TET3: variants seen among roughly 807,000 people sequenced by gnomAD.
The protein encoded by TET3 is tet methylcytosine dioxygenase 3, also known as methylcytosine dioxygenase TET3.
In TET3, 19 loss-of-function variants were observed where a neutral mutation model predicts 141.4. That is an observed-to-expected ratio of 0.13 (90% confidence interval 0.09 to 0.20). The LOEUF (loss-of-function observed/expected upper bound fraction) is 0.20. TET3 is among the 10% of genes least tolerant of loss of function. The pLI is 1.00. For synonymous variants in TET3, 1,043 were observed against 980.9 expected (o/e 1.06, Z -1.18); for missense variants, 1,874 against 2,356.9 (o/e 0.80, Z 4.24).
intron 5 of TET3, among the ~76,000 whole-genome samples, chr2:74,075,016 G>A (rs548127025): frequency 2.6e-5 from 4 of 152,090 alleles, no homozygotes; most frequent in South Asian, 4.1e-4. Context: ...GACTACAGGC[G>A]CCTGCCACCA....
intron 2 of TET3, among the ~76,000 whole-genome samples, chr2:74,002,270 G>A (rs1182112267): frequency 6.6e-6 from 1 of 152,178 alleles, no homozygotes; most frequent in African/African-American, 2.4e-5. Flanking sequence ...AGGATGAAGG[G>A]GCTATTGCAC....
chr2:73,998,359 A>G (rs889922291), intron 2 of TET3: 2 of 152,284 alleles, frequency 1.3e-5, no homozygotes, highest in African/African-American at 4.8e-5. Context: ...CTCAAAGGGC[A>G]TGTAGGGTAT....
chr2:74,124,032 C>T, the TET3 span, among the ~76,000 whole-genome samples: 10 of 151,204 alleles, frequency 6.6e-5, no homozygotes, highest in South Asian at 4.2e-4. Context: ...GCAGCCACCC[C>T]GTCTGGGAAG....
chr2:74,058,757 C>CCCT (rs1222647462), intron 4 of TET3, among the ~76,000 whole-genome samples: 4 of 152,180 alleles, frequency 2.6e-5, no homozygotes, highest in African/African-American at 9.6e-5. Flanking sequence ...CGAAGTCCAC[C>CCCT]CCTCCAGGCA....
chr2:74,011,628 G>T (rs72905259), intron 3 of TET3, among the ~76,000 whole-genome samples: 3,456 of 152,178 alleles, frequency 0.023, 140 homozygotes, highest in African/African-American at 0.08. Context: ...TTTCTACCTG[G>T]GCCTTAGGTG....
rs1331681875 is a variant in TET3, at chr2:74,099,669, C to T, written c.3604+57C>T. The T allele has an allele frequency of 2.5e-5, 37 of 1,455,870 alleles. No homozygotes were observed. The East Asian group carries it at 8.7e-4, about 34-fold the overall frequency. 90.2% of individuals were successfully genotyped at this position (1,455,870 alleles called of 1,614,324 possible). ...ACAATGGCACTGTCCTCATGGGGGC[C>T]CCTGCTCTTCCACGCACCCTCCTGC... On this transcript the variant is annotated intron_variant, in intron 11 of 11. Coordinates refer to ENST00000409262, the MANE Select transcript of TET3 (RefSeq NM_001287491.2).
At chr2:74,131,498 C>T in the TET3 span, among the ~76,000 whole-genome samples, 1 of 152,098 alleles carries the variant, frequency 6.6e-6, no homozygotes, top group Admixed American at 6.5e-5. Context: ...GCCTCAGGTC[C>T]TCTCTCAGGT....
Position 74,087,208 on chromosome 2 carries a change from C to T in TET3, c.2680-622C>T, listed in dbSNP as rs974575097. On this transcript the variant is annotated intron_variant, in intron 6 of 11. Transcript: ENST00000409262. The surrounding 1 kb of genome is among the most constrained non-coding windows in gnomAD (Gnocchi z 4.3). Reference sequence around the variant, plus strand: ...TCTGTCTATACCACGTCGTACTTACCTGTTCATCAACCGATGGACCCTGGG... The same window carrying T: ...TCTGTCTATACCACGTCGTACTTACTTGTTCATCAACCGATGGACCCTGGG... Among the ~76,000 whole-genome samples, 12 of 152,204 alleles carry T rather than the reference C, an allele frequency of 7.9e-5. No homozygotes were observed. The highest frequency in any genetic ancestry group is 7.2e-4 in the Admixed American group (11 of 15,284).
chr2:74,090,080 A>G lies in TET3; in HGVS notation c.3039+33A>G, dbSNP rs1191894552. On this transcript the variant is annotated intron_variant, in intron 8 of 11. Transcript: ENST00000409262. ...GAGCTGGGCGGGGACCCTGCCTCCC[A>G]TCCTTTCTCGCCTGGCGTCCTTCAT... The G allele has an allele frequency of 1.9e-6, 3 of 1,608,710 alleles. No individual in the cohort carries two copies. In the African/African-American group the frequency reaches 4.0e-5, roughly 21 times the overall value.
chr2:74,045,115 A>C (rs1051804873), intron 3 of TET3, among the ~76,000 whole-genome samples: 5 of 152,194 alleles, frequency 3.3e-5, no homozygotes, highest in Non-Finnish European at 7.3e-5. Flanking sequence ...GATTCAGGTT[A>C]TACATTTTGG....
At chr2:74,034,575 T>TAAAAAAA (rs57991784) in intron 3 of TET3, among the ~76,000 whole-genome samples, 7 of 130,048 alleles carry the variant, frequency 5.4e-5, no homozygotes, top group Non-Finnish European at 1.2e-4. Context: ...GAGCATTGAT[T>TAAAAAAA]AAAAAAAAAA....
intron 10 of TET3, among the ~76,000 whole-genome samples, chr2:74,096,027 AC>A (rs1434175727): frequency 7.3e-4 from 111 of 152,228 alleles, no homozygotes; most frequent in Middle Eastern, 3.4e-3. Context: ...TTCTTCTTAC[AC>A]ATTTGAATTT....
At chr2:74,080,701 G>A in intron 6 of TET3, 110 bp downstream of exon 6, 2 of 391,496 alleles carry the variant, frequency 5.1e-6, no homozygotes, top group Non-Finnish European at 9.0e-6. Context: ...GGCGAGGGCG[G>A]GGGGTGGGGC....
chr2:74,094,083 C>T (rs1367082802), intron 10 of TET3, among the ~76,000 whole-genome samples: 9 of 152,312 alleles, frequency 5.9e-5, no homozygotes, highest in Non-Finnish European at 8.8e-5. Flanking sequence ...GGACAAAGTT[C>T]CTGCCCAAGT....
At chr2:74,089,080 CAA>C (rs34315040) in intron 7 of TET3, among the ~76,000 whole-genome samples, 897 of 60,528 alleles carry the variant, frequency 0.015, 9 homozygotes, top group African/African-American at 0.051. Flanking sequence ...GATTCCGTCT[CAA>C]AAAAAAAAAA....
rs1691448467 is a variant in TET3 at position 74,105,605 on chromosome 2, G to A, written c.*3429G>A. On this transcript the variant is annotated 3_prime_UTR_variant, in exon 12 of 12. Transcript: ENST00000409262. Reference sequence around the variant, plus strand: ...TCACCAAGGTGACGATGGTGTGCGTGGAAAGAGATGATACCCCACCGCCCC... The same window carrying A: ...TCACCAAGGTGACGATGGTGTGCGTAGAAAGAGATGATACCCCACCGCCCC... The A allele has an allele frequency of 2.6e-6, 1 of 387,812 alleles. No individual in the cohort carries two copies. Among genetic ancestry groups the A allele is most frequent in the Non-Finnish European group, 4.6e-6 (1 of 219,002 alleles). The allele number at this position is 387,812 out of a possible 1,614,324, so 24.0% of individuals were successfully genotyped here. A position where few individuals can be genotyped will look rare whatever the true frequency, so the allele number is the denominator to read the frequency against.
Position 74,093,681 on chromosome 2 carries a change from T to C in TET3, c.3267+15T>C. 6.4e-7 allele frequency: 1 copy of C among 1,567,920 alleles called. No homozygotes were observed. The highest frequency in any genetic ancestry group is 1.8e-5 in the Admixed American group (1 of 56,280). On this transcript the variant is annotated intron_variant, in intron 10 of 11. Coordinates refer to ENST00000409262, the MANE Select transcript of TET3 (RefSeq NM_001287491.2). This position sits in a 1 kb window ranked among gnomAD's most constrained non-coding sequence, Gnocchi z 4.2. ...GGTGCACCGTGGTAAGCCTGTGCCC[T>C]GTCATAGCCCCACCTGTGGGGCAAC...
At chr2:74,109,989 AAGAC>A (rs1242828683), downstream of TET3, among the ~76,000 whole-genome samples, 1 of 152,216 alleles carries the variant, frequency 6.6e-6, no homozygotes, top group Non-Finnish European at 1.5e-5. Context: ...TTTTGTCAAT[AAGAC>A]AGGCTAATGA....
chr2:74,007,971 G>T (rs1685228262), intron 3 of TET3, among the ~76,000 whole-genome samples: 1 of 152,186 alleles, frequency 6.6e-6, no homozygotes, highest in African/African-American at 2.4e-5. Context: ...CATGCCCTTG[G>T]ATGTCATGGT....
Sources: gnomAD v4.1 joint callset for allele counts (sites outside exome capture counted in the v4.1 genomes callset) on GRCh38, gnomAD v4.1.1 for gene constraint, Gnocchi (gnomAD v3.1) non-coding constraint, MANE v1.5 for transcripts, NCBI Gene and HGNC (gene_info 2026-07-23, HGNC 2026-07-21) for gene names.